Variants in PHLPP1 observed in about 807,000 individuals in gnomAD.
The protein encoded by PHLPP1 is PH domain leucine-rich repeat-containing protein phosphatase 1.
In PHLPP1, 42 loss-of-function variants were observed where a neutral mutation model predicts 117.2. The ratio of observed to expected loss-of-function variants is 0.36; its 90% CI spans 0.28 to 0.46. The LOEUF is 0.46. Ranked by LOEUF, PHLPP1 falls within the 20% of genes least tolerant of loss-of-function variation. PHLPP1 has a pLI of 1.00. For missense variants in PHLPP1, 2,084 were observed against 2,241.9 expected, an observed-to-expected ratio of 0.93 and a Z score of 1.42; for synonymous variants, 1,042 against 970.7, an observed-to-expected ratio of 1.07 and a Z score of -1.37.
chr18:62,729,416 G>A (rs1911167143), intron 1 of PHLPP1, among the ~76,000 whole-genome samples: 2 of 152,178 alleles, frequency 1.3e-5, no homozygotes, highest in Admixed American at 1.3e-4. Flanking sequence ...ACTAAATGAA[G>A]CTGGGCGTGG....
At chr18:62,952,047 T>G (rs1910476858) in intron 12 of PHLPP1, among the ~76,000 whole-genome samples, 1 of 151,982 alleles carries the variant, frequency 6.6e-6, no homozygotes, top group Non-Finnish European at 1.5e-5. Context: ...CTCGATCTCC[T>G]GACCTCATGA....
Position 62,978,960 on chromosome 18 carries a change from C to A in PHLPP1, c.4683C>A (p.Ser1561Arg). Residue 1561 changes from serine to arginine, a missense_variant, in exon 17 of 17, where the codon AGC (serine) becomes AGA (arginine). This residue lies in a region of PHLPP1 where 1,365 missense variants were observed against 1,605.9 expected (regional missense o/e 0.85). Transcript: ENST00000262719. The surrounding 1 kb of genome is among the most constrained non-coding windows in gnomAD (Gnocchi z 7.0). ...TCGAGGGCGTCTTCACCAACGGCAG[C>A]CGGGTGGAGGTGGAGGTGGACATCC... Reference protein sequence around the residue: ...EPIEGVFTNGSRVEVEVDIHC... With the variant: ...EPIEGVFTNGRRVEVEVDIHC... 1 of 1,610,648 alleles carries A rather than the reference C, an allele frequency of 6.2e-7. No homozygotes were observed. The highest frequency in any genetic ancestry group is 1.3e-5 in the African/African-American group (1 of 74,994).
chr18:62,931,880 A>G (rs1390325253), intron 10 of PHLPP1, among the ~76,000 whole-genome samples: 13 of 53,820 alleles, frequency 2.4e-4, no homozygotes, highest in East Asian at 1.3e-3. Context: ...GGGCGACAGA[A>G]AAAAAAAAAA....
chr18:62,880,004 A>T (rs1003420881), intron 4 of PHLPP1, among the ~76,000 whole-genome samples: 10 of 150,500 alleles, frequency 6.6e-5, no homozygotes, highest in African/African-American at 2.2e-4. Context: ...GTAAGTTTTC[A>T]GTTTTCACCT....
intron 4 of PHLPP1, among the ~76,000 whole-genome samples, chr18:62,884,006 T>C (rs1298935483): frequency 6.6e-6 from 1 of 152,152 alleles, no homozygotes; most frequent in Admixed American, 6.5e-5. Flanking sequence ...GATACATCAG[T>C]GGATGTTTCT....
At chr18:62,804,218 T>C (rs1305037304) in intron 1 of PHLPP1, among the ~76,000 whole-genome samples, 1 of 152,046 alleles carries the variant, frequency 6.6e-6, no homozygotes, top group Non-Finnish European at 1.5e-5. Context: ...GAGAACTCAC[T>C]CACCATCATG....
rs1913881491 is a variant in PHLPP1, at chr18:62,804,486, G to A, written c.1577-25549G>A. On this transcript the variant is annotated intron_variant, in intron 1 of 16. Coordinates refer to ENST00000262719, the MANE Select transcript of PHLPP1 (RefSeq NM_194449.4). ...CAGCACCTTGGGCTGGGAGGCCAAGGTGGGAGGATCACTTGAACCTAGGAG... is the reference window on the plus strand; with the variant it reads ...CAGCACCTTGGGCTGGGAGGCCAAGATGGGAGGATCACTTGAACCTAGGAG... Among the ~76,000 whole-genome samples, 5 of 152,108 alleles carry A rather than the reference G, an allele frequency of 3.3e-5. No homozygotes were observed. The South Asian group carries it at 1.0e-3, about 32-fold the overall frequency.
intron 3 of PHLPP1, among the ~76,000 whole-genome samples, chr18:62,859,296 A>G (rs1250740970): frequency 6.6e-6 from 1 of 152,232 alleles, no homozygotes; most frequent in Non-Finnish European, 1.5e-5. Flanking sequence ...TGTTACCTAC[A>G]ATATTGGGAA....
intron 3 of PHLPP1, among the ~76,000 whole-genome samples, chr18:62,854,713 T>C (rs924089665): frequency 2.0e-5 from 2 of 98,110 alleles, no homozygotes; most frequent in African/African-American, 3.7e-5. Flanking sequence ...TTTTTTTTTT[T>C]GAGATGAAGT....
chr18:62,726,859 C>T (rs1284338938), intron 1 of PHLPP1, among the ~76,000 whole-genome samples: 1 of 151,668 alleles, frequency 6.6e-6, no homozygotes, highest in African/African-American at 2.4e-5. Context: ...TCTGGGATTA[C>T]AGGCGTGACC....
At chr18:62,816,198 G>C (rs1193321265) in intron 1 of PHLPP1, among the ~76,000 whole-genome samples, 1 of 152,174 alleles carries the variant, frequency 6.6e-6, no homozygotes, top group African/African-American at 2.4e-5. Context: ...AAAAATTAAG[G>C]CTCTTGAAAC....
intron 1 of PHLPP1, among the ~76,000 whole-genome samples, chr18:62,789,329 A>G (rs1050647655): frequency 6.6e-6 from 1 of 152,164 alleles, no homozygotes; most frequent in Admixed American, 6.5e-5. Context: ...AAAATCTCAG[A>G]TGGCTATATG....
intron 1 of PHLPP1, among the ~76,000 whole-genome samples, chr18:62,799,530 G>A (rs1423487025): frequency 6.6e-6 from 1 of 152,210 alleles, no homozygotes; most frequent in African/African-American, 2.4e-5. Context: ...TGAGCTCAAA[G>A]GATGTGTTTA....
At chr18:62,789,249 C>G (rs1423541421) in intron 1 of PHLPP1, among the ~76,000 whole-genome samples, 1 of 151,980 alleles carries the variant, frequency 6.6e-6, no homozygotes, top group Non-Finnish European at 1.5e-5. Context: ...TCCACAGAAA[C>G]AAACAATGGC....
chr18:62,913,765 C>CA, intron 8 of PHLPP1, among the ~76,000 whole-genome samples: 1 of 101,088 alleles, frequency 9.9e-6, no homozygotes, highest in Non-Finnish European at 1.9e-5. Context: ...TTTTTTGAGA[C>CA]AGAGTTTCGC....
chr18:62,872,999 A>AG (rs1915943256), intron 4 of PHLPP1, among the ~76,000 whole-genome samples: 4 of 147,630 alleles, frequency 2.7e-5, no homozygotes, highest in South Asian at 4.4e-4. Flanking sequence ...AAAAAAAAAA[A>AG]AAAAAAAAGA....
chr18:62,722,532 T>G (rs1462787184), intron 1 of PHLPP1, among the ~76,000 whole-genome samples: 1 of 152,172 alleles, frequency 6.6e-6, no homozygotes, highest in Non-Finnish European at 1.5e-5. Context: ...TCTAAACCCA[T>G]TCCATCCCTT....
intron 12 of PHLPP1, among the ~76,000 whole-genome samples, chr18:62,952,350 A>T (rs1910487594): frequency 6.6e-6 from 1 of 152,180 alleles, no homozygotes. Flanking sequence ...CAGATAACTT[A>T]GTTTTAGTGT....
chr18:62,932,319 G>A (rs1218680932), intron 10 of PHLPP1, among the ~76,000 whole-genome samples: 18 of 139,716 alleles, frequency 1.3e-4, no homozygotes, highest in Non-Finnish European at 2.7e-4. Flanking sequence ...GATACAAAAA[G>A]GAAAATAACA....
Sources: allele counts gnomAD v4.1 joint callset (sites outside exome capture counted in the v4.1 genomes callset), GRCh38; gene constraint gnomAD v4.1.1; regional missense constraint gnomAD v4.1.1; non-coding constraint Gnocchi (gnomAD v3.1); transcripts MANE v1.5; gene names NCBI Gene and HGNC (gene_info 2026-07-23, HGNC 2026-07-21).